Variants in EPHA5 observed in about 807,000 individuals in gnomAD.
EPHA5 encodes the protein EPH receptor A5.
A neutral mutation model predicts 105.0 loss-of-function variants in EPHA5; 60 were observed. The ratio of observed to expected loss-of-function variants is 0.57; its 90% CI spans 0.46 to 0.71. EPHA5 has a LOEUF of 0.71. Among genes scored for constraint, EPHA5 ranks in the 30% least tolerant of loss-of-function variants. The pLI is 0.00. For missense variants in EPHA5, 1,218 were observed against 1,274.7 expected (o/e 0.96, Z 0.68); for synonymous variants, 513 against 449.1 (o/e 1.14, Z -1.80).
chr4:65,510,276 C>G (rs531284267), intron 3 of EPHA5, among the ~76,000 whole-genome samples: 201 of 151,572 alleles, frequency 1.3e-3, no homozygotes, highest in South Asian at 2.5e-3. Context: ...AACTCCCAAC[C>G]TCAGGTGATC....
At chr4:65,569,073 G>A (rs1047186759) in intron 3 of EPHA5, among the ~76,000 whole-genome samples, 1 of 151,176 alleles carries the variant, frequency 6.6e-6, no homozygotes. Flanking sequence ...ATGCAAACAT[G>A]CCATTGCAAA....
intron 3 of EPHA5, among the ~76,000 whole-genome samples, chr4:65,547,515 A>C (rs575336702): frequency 1.4e-4 from 21 of 152,024 alleles, no homozygotes; most frequent in African/African-American, 3.9e-4. Context: ...TGTTATATTA[A>C]AGGTGATGTT....
At chr4:65,590,961 C>T (rs566562791) in intron 3 of EPHA5, among the ~76,000 whole-genome samples, 9 of 152,094 alleles carry the variant, frequency 5.9e-5, no homozygotes, top group Admixed American at 4.6e-4. Flanking sequence ...AAGTAAAATA[C>T]GATTCTAAGG....
intron 3 of EPHA5, among the ~76,000 whole-genome samples, chr4:65,511,352 A>T (rs1217412916): frequency 6.6e-6 from 1 of 152,196 alleles, no homozygotes; most frequent in East Asian, 1.9e-4. Context: ...CTAGGCGTGG[A>T]CTAACTGATC....
rs532077150 is a variant in EPHA5, at chr4:65,569,395, C to T, written c.910+32246G>A. On this transcript the variant is annotated intron_variant, in intron 3 of 16. Transcript: ENST00000613740. Reference sequence around the variant, plus strand: ...AAATGTGCCATTGTAAGCTAGTTAGCACAGTTGAGGATCATAGAACAGATA... The same window carrying T: ...AAATGTGCCATTGTAAGCTAGTTAGTACAGTTGAGGATCATAGAACAGATA... 2.6e-5 allele frequency among the ~76,000 whole-genome samples: 4 copies of T among 151,612 alleles called. No homozygotes were observed. In the South Asian group the frequency reaches 8.3e-4, roughly 31 times the overall value.
chr4:65,434,809 T>A (rs1304820010), intron 5 of EPHA5, among the ~76,000 whole-genome samples: 1 of 152,172 alleles, frequency 6.6e-6, no homozygotes, highest in African/African-American at 2.4e-5. Context: ...TAAATTGTTA[T>A]GTTGAAATCA....
rs2148842046 is a variant in EPHA5, at chr4:65,348,099, A to C, written c.2550T>G (p.Val850=). The C allele has an allele frequency of 6.2e-7, 1 of 1,613,022 alleles. No individual in the cohort carries two copies. Among genetic ancestry groups the C allele is most frequent in the Non-Finnish European group, 8.5e-7 (1 of 1,179,472 alleles). Residue 850 remains valine (V), a synonymous_variant, in exon 14 of 17, where the codon GTT becomes GTG. Transcript: ENST00000613740. ...AGTAGGGTCTCTCTCCATAAGACAC[A>C]ACTTCCCACATTACTATTCCATAAC... is the stretch of plus-strand genomic sequence containing the variant. ...VWSYGIVMWE[V]VSYGERPYWE...
At chr4:65,524,224 T>C (rs1246702052) in intron 3 of EPHA5, among the ~76,000 whole-genome samples, 1 of 151,780 alleles carries the variant, frequency 6.6e-6, no homozygotes, top group African/African-American at 2.4e-5. Context: ...AAAGGTATAC[T>C]GTTTCAAAGT....
At chr4:65,616,979 G>A (rs751447496) in intron 2 of EPHA5, among the ~76,000 whole-genome samples, 3 of 151,976 alleles carry the variant, frequency 2.0e-5, no homozygotes, top group Non-Finnish European at 2.9e-5. Flanking sequence ...TATGCAATAT[G>A]TATAGAAAAG....
At chr4:65,391,669 C>G (rs1720727361) in intron 8 of EPHA5, among the ~76,000 whole-genome samples, 1 of 152,036 alleles carries the variant, frequency 6.6e-6, no homozygotes, top group Admixed American at 6.6e-5. Context: ...TTCCCAGAAA[C>G]CTAGGAGGGT....
intron 2 of EPHA5, among the ~76,000 whole-genome samples, chr4:65,622,285 T>C (rs930194230): frequency 1.3e-5 from 2 of 152,086 alleles, no homozygotes; most frequent in Non-Finnish European, 2.9e-5. Flanking sequence ...ATAGATAAAC[T>C]GAGTTAGAAA....
At chr4:65,581,794 T>C (rs1741652530) in intron 3 of EPHA5, among the ~76,000 whole-genome samples, 2 of 151,774 alleles carry the variant, frequency 1.3e-5, no homozygotes, top group African/African-American at 4.8e-5. Flanking sequence ...GGTTTCTAAA[T>C]GGGCAATAAC....
At chr4:65,490,284 T>C in intron 5 of EPHA5, 93 bp downstream of exon 5, 1 of 1,260,428 alleles carries the variant, frequency 7.9e-7, no homozygotes, top group Admixed American at 2.1e-5. Flanking sequence ...GGGAAAATTC[T>C]CACACAGATT....
At chr4:65,546,526 T>C (rs1352881859) in intron 3 of EPHA5, among the ~76,000 whole-genome samples, 1 of 152,042 alleles carries the variant, frequency 6.6e-6, no homozygotes, top group Admixed American at 6.6e-5. Context: ...TTTTCTCAAA[T>C]AGTTTTCTCT....
At chr4:65,632,581 C>T (rs1339080077) in intron 2 of EPHA5, among the ~76,000 whole-genome samples, 1 of 150,730 alleles carries the variant, frequency 6.6e-6, no homozygotes, top group Non-Finnish European at 1.5e-5. Flanking sequence ...CCAAACAATC[C>T]CTTCTTCCTA....
In EPHA5 at chr4:65,323,983, G is replaced by T; in HGVS notation, c.*131C>A. The T allele has an allele frequency of 3.4e-6, 2 of 595,928 alleles. No individual in the cohort carries two copies. Among genetic ancestry groups the T allele is most frequent in the African/African-American group, 1.9e-5 (1 of 52,264 alleles). 36.9% of individuals were successfully genotyped at this position (595,928 alleles called of 1,614,324 possible). ...TAAAACCATGATTACAAATTCTGTGGCTGAGGCAAATGTTTTCTAAGGTTT... is the reference window on the plus strand; with the variant it reads ...TAAAACCATGATTACAAATTCTGTGTCTGAGGCAAATGTTTTCTAAGGTTT... On this transcript the variant is annotated 3_prime_UTR_variant, in exon 17 of 17. Transcript: ENST00000613740.
chr4:65,408,882 C>T (rs1158543641), intron 7 of EPHA5, among the ~76,000 whole-genome samples: 3 of 152,026 alleles, frequency 2.0e-5, no homozygotes, highest in Non-Finnish European at 4.4e-5. Context: ...TATAAAGACA[C>T]ATGCACACAT....
Position 65,483,180 on chromosome 4 carries a change from G to A in EPHA5, c.1402+7197C>T, listed in dbSNP as rs192940471. 3.5e-4 allele frequency among the ~76,000 whole-genome samples: 53 copies of A among 152,228 alleles called. 1 individual carries two copies. In the East Asian group the frequency reaches 9.3e-3, roughly 27 times the overall value. On this transcript the variant is annotated intron_variant, in intron 5 of 16. Coordinates refer to ENST00000613740, the MANE Select transcript of EPHA5 (RefSeq NM_001281766.3). ...CCAGCTTCATCCATGTCCCTACAAAGGACATGAACTCATCCCTTTTTATGG... is the reference window on the plus strand; with the variant it reads ...CCAGCTTCATCCATGTCCCTACAAAAGACATGAACTCATCCCTTTTTATGG...
intron 11 of EPHA5, among the ~76,000 whole-genome samples, chr4:65,356,193 C>T (rs1247405448): frequency 2.6e-5 from 4 of 151,610 alleles, no homozygotes; most frequent in East Asian, 1.9e-4. Context: ...TTTCTACTTA[C>T]AGCACTTTCA....
Sources: allele counts gnomAD v4.1 joint callset (sites outside exome capture counted in the v4.1 genomes callset), GRCh38; gene constraint gnomAD v4.1.1; transcripts MANE v1.5; gene names NCBI Gene and HGNC (gene_info 2026-07-23, HGNC 2026-07-21).